The following PDE8A variants were observed in gnomAD, a reference collection of about 807,000 sequenced individuals.
PDE8A encodes the protein high affinity cAMP-specific and IBMX-insensitive 3',5'-cyclic phosphodiesterase 8A.
A neutral mutation model predicts 105.0 loss-of-function variants in PDE8A; 59 were observed. The ratio of observed to expected loss-of-function variants is 0.56; its 90% CI spans 0.46 to 0.70. The LOEUF is 0.70. PDE8A is among the 30% of genes least tolerant of loss of function. The pLI is 0.00. For missense variants in PDE8A, 1,014 were observed against 1,045.9 expected (o/e 0.97, Z 0.42); for synonymous variants, 355 against 371.9 (o/e 0.95, Z 0.52).
chr15:85,089,202 A>C (rs1415018370), intron 6 of PDE8A, 136 bp from the exon 7 acceptor site: 1 of 612,310 alleles, frequency 1.6e-6, no homozygotes, highest in African/African-American at 1.9e-5. Context: ...GGGGGTGTTT[A>C]TTTCTTTTTA....
intron 15 of PDE8A, 87 bp downstream of exon 15, chr15:85,115,574 A>G (rs2082083046): frequency 2.9e-6 from 2 of 686,454 alleles, no homozygotes; most frequent in East Asian, 5.8e-5. Context: ...TCACCTCATT[A>G]AGAAGTTTCT....
chr15:85,064,294 C>T (rs927850526), intron 1 of PDE8A, 76 bp from the exon 2 acceptor site: 28 of 1,065,008 alleles, frequency 2.6e-5, no homozygotes, highest in Non-Finnish European at 3.5e-5. Context: ...ATTTTTGGCA[C>T]TGTTTAGAGA....
rs745369517 is a variant in PDE8A at position 85,100,005 on chromosome 15, T to C, written c.942-10T>C. On this transcript the variant is annotated splice_polypyrimidine_tract_variant and intron_variant, in intron 9 of 21. Transcript: ENST00000394553. ...CAGAAGAGAAATAATGCATTGTTTT[T>C]TACTTGCAGAAAAATTAGACACTAT... The C allele has an allele frequency of 5.0e-6, 8 of 1,605,098 alleles. No homozygotes were observed. The South Asian group carries it at 8.9e-5, about 18-fold the overall frequency.
intron 1 of PDE8A, among the ~76,000 whole-genome samples, chr15:84,987,580 G>A (rs1011340073): frequency 2.0e-5 from 3 of 147,428 alleles, no homozygotes; most frequent in East Asian, 4.0e-4. Context: ...GAAGCAATTC[G>A]CATGCCTTAG....
At chr15:84,993,205 A>G (rs1383480300) in intron 1 of PDE8A, among the ~76,000 whole-genome samples, 2 of 150,662 alleles carry the variant, frequency 1.3e-5, no homozygotes, top group South Asian at 2.1e-4. Context: ...GCACTTTGGG[A>G]GGCCAAGGCG....
At position 85,061,551 on chromosome 15, in the gene PDE8A, C is replaced by G. The variant is rs549067591; in HGVS notation, c.187-2819C>G. Among the ~76,000 whole-genome samples, 4 of 152,226 alleles carry G rather than the reference C, an allele frequency of 2.6e-5. No individual in the cohort carries two copies. The South Asian group carries it at 8.3e-4, about 32-fold the overall frequency. On this transcript the variant is annotated intron_variant, in intron 1 of 21. Transcript: ENST00000394553. ...CACCACGCCCAGTTCTTGCTGCTTTCAAGATTCTCTTTTTGTCTTTGAGCA... is the reference window on the plus strand; with the variant it reads ...CACCACGCCCAGTTCTTGCTGCTTTGAAGATTCTCTTTTTGTCTTTGAGCA...
Position 85,075,902 on chromosome 15 carries a change from G to T in PDE8A, c.475G>T (p.Val159Phe). The change falls in exon 4 of 22, where the codon GTT becomes TTT. Residue 159 changes from valine to phenylalanine, a missense_variant. By Grantham distance (50) the Val-to-Phe change is conservative (BLOSUM62 -1). Coordinates refer to ENST00000394553, the MANE Select transcript of PDE8A (RefSeq NM_002605.3). ...SSKLSENTVI[V>F]GVVRRVDREE... ...AAAACTCTCAGAAAACACAGTTATT[G>T]TTGGTGTAGTACGCAGGTAAACTTT... 1 of 1,571,832 alleles carries T rather than the reference G, an allele frequency of 6.4e-7. No homozygotes were observed. Among genetic ancestry groups the T allele is most frequent in the Non-Finnish European group, 8.7e-7 (1 of 1,145,128 alleles).
At chr15:85,012,421 C>T (rs1397700302) in intron 1 of PDE8A, among the ~76,000 whole-genome samples, 1 of 151,932 alleles carries the variant, frequency 6.6e-6, no homozygotes, top group Non-Finnish European at 1.5e-5. Context: ...AATTGGAAAT[C>T]ATCATTCTCA....
At position 84,984,161 on chromosome 15, in the gene PDE8A, AT is replaced by A. The variant is rs374043867; in HGVS notation, c.186+1814del. On this transcript the variant is annotated intron_variant, in intron 1 of 21. Coordinates refer to ENST00000394553, the MANE Select transcript of PDE8A (RefSeq NM_002605.3). The stretch of plus-strand genomic sequence containing the variant: ...TAAAGCCTCCTATGTAGACTTCAAA[AT>A]AATAGTATTTCCAGAGCAGGAGTCA... 2.1e-3 allele frequency among the ~76,000 whole-genome samples: 315 copies of A among 152,360 alleles called. 3 individuals are homozygous for A. Among genetic ancestry groups the A allele is most frequent in the African/African-American group, 7.2e-3 (298 of 41,584 alleles).
At chr15:85,129,585 T>C (rs1181872757) in intron 20 of PDE8A, among the ~76,000 whole-genome samples, 1 of 152,232 alleles carries the variant, frequency 6.6e-6, no homozygotes, top group Non-Finnish European at 1.5e-5. Flanking sequence ...CTGATTTTGG[T>C]AATTTGGGTC....
intron 1 of PDE8A, among the ~76,000 whole-genome samples, chr15:85,024,586 G>T (rs148339443): frequency 0.011 from 1,704 of 151,392 alleles, 21 homozygotes; most frequent in Non-Finnish European, 0.018. Flanking sequence ...CTCCTACTGC[G>T]TAGGCTTTTT....
intron 1 of PDE8A, among the ~76,000 whole-genome samples, chr15:85,060,867 G>T (rs1381094387): frequency 6.6e-6 from 1 of 151,974 alleles, no homozygotes; most frequent in Non-Finnish European, 1.5e-5. Flanking sequence ...ATTATCCATG[G>T]TTTCACTTTT....
At chr15:85,028,929 A>G (rs905584415) in intron 1 of PDE8A, among the ~76,000 whole-genome samples, 4 of 152,304 alleles carry the variant, frequency 2.6e-5, no homozygotes, top group Admixed American at 2.6e-4. Flanking sequence ...GACTCAGTAA[A>G]TATTGAGTTA....
At chr15:85,023,039 G>A (rs985116554) in intron 1 of PDE8A, among the ~76,000 whole-genome samples, 1 of 152,206 alleles carries the variant, frequency 6.6e-6, no homozygotes, top group Non-Finnish European at 1.5e-5. Flanking sequence ...CTTGGCAAGA[G>A]AACGGACACT....
rs144848003 is a variant in PDE8A at position 84,984,680 on chromosome 15, G to T, written c.186+2332G>T. On this transcript the variant is annotated intron_variant, in intron 1 of 21. Coordinates refer to ENST00000394553, the MANE Select transcript of PDE8A (RefSeq NM_002605.3). ...TGTACTTTGCGTTAAAGTGTATCCT[G>T]CATGTGTTCTATGGAACAATATGTG... Among the ~76,000 whole-genome samples the T allele has an allele frequency of 1.5e-4, 23 of 152,294 alleles. 1 individual carries two copies. In the East Asian group the frequency reaches 4.2e-3, roughly 28 times the overall value.
chr15:85,032,083 T>C (rs1345239217), intron 1 of PDE8A, among the ~76,000 whole-genome samples: 1 of 152,220 alleles, frequency 6.6e-6, no homozygotes, highest in Non-Finnish European at 1.5e-5. Flanking sequence ...CAGGATGTTT[T>C]CTCTCTTTAC....
At chr15:85,085,470 C>T (rs934807635) in intron 6 of PDE8A, among the ~76,000 whole-genome samples, 9 of 152,018 alleles carry the variant, frequency 5.9e-5, no homozygotes, top group Non-Finnish European at 1.2e-4. Context: ...GAGACTGAGG[C>T]GGGCGGATCA....
intron 1 of PDE8A, among the ~76,000 whole-genome samples, chr15:85,045,443 T>C (rs1329555593): frequency 6.6e-6 from 1 of 152,244 alleles, no homozygotes; most frequent in Non-Finnish European, 1.5e-5. Context: ...GTCCCATTCC[T>C]GCAACTACTG....
chr15:85,038,136 A>C (rs1665351654), intron 1 of PDE8A, among the ~76,000 whole-genome samples: 1 of 152,202 alleles, frequency 6.6e-6, no homozygotes, highest in Admixed American at 6.5e-5. Context: ...AGTTGAATTC[A>C]GAAAAAGAAG....
Sources: allele counts gnomAD v4.1 joint callset (sites outside exome capture counted in the v4.1 genomes callset), GRCh38; gene constraint gnomAD v4.1.1; transcripts MANE v1.5; gene names NCBI Gene and HGNC (gene_info 2026-07-23, HGNC 2026-07-21).